Variants in CBR1 observed in about 807,000 individuals in gnomAD.
CBR1 encodes the protein carbonyl reductase 1.
A neutral mutation model predicts 10.6 loss-of-function variants in CBR1; 11 were observed. That is an observed-to-expected ratio of 1.03 (90% CI 0.65 to 1.71). CBR1 has a LOEUF of 1.71. Ranked by LOEUF, CBR1 falls within the 40% of genes most tolerant of loss-of-function variation. The pLI, the probability that CBR1 is intolerant of heterozygous loss-of-function variation, is 0.00. For missense variants in CBR1, 361 were observed against 368.6 expected (o/e 0.98, Z 0.17); for synonymous variants, 158 against 156.7 (o/e 1.01, Z -0.06).
In CBR1 at chr21:36,072,960, T is replaced by G; in HGVS notation, c.*78T>G. On this transcript the variant is annotated 3_prime_UTR_variant, in exon 3 of 3. Coordinates refer to ENST00000290349, the MANE Select transcript of CBR1 (RefSeq NM_001757.4). ...GGTCCAAAGGGCATTTACAATGTCA[T>G]AAATATCCTTATATAAGAAAAAAAA... 1 of 942,546 alleles carries G rather than the reference T, an allele frequency of 1.1e-6. No individual in the cohort carries two copies. The highest frequency in any genetic ancestry group is 1.7e-5 in the South Asian group (1 of 58,438). 58.4% of individuals were successfully genotyped at this position (942,546 alleles called of 1,614,324 possible).
chr21:36,070,853 G>GA, intron 1 of CBR1, 97 bp from the exon 2 acceptor site: 1 of 509,242 alleles, frequency 2.0e-6, no homozygotes, highest in Non-Finnish European at 3.2e-6. Context: ...AGGGCACTAA[G>GA]TTTTTTTTTT....
Position 36,070,103 on chromosome 21 carries a change from G to T in CBR1, c.-13G>T, listed in dbSNP as rs756250127. ...TGTTCTCCACGCAGGTGTTCCGCGCGCCCCGTTCAGCCATGTCGTCCGGCA... is the reference window on the plus strand; with the variant it reads ...TGTTCTCCACGCAGGTGTTCCGCGCTCCCCGTTCAGCCATGTCGTCCGGCA... On this transcript the variant is annotated 5_prime_UTR_variant, in exon 1 of 3. Transcript: ENST00000290349. 2.0e-6 allele frequency: 3 copies of T among 1,486,454 alleles called. No individual in the cohort carries two copies. Among genetic ancestry groups the T allele is most frequent in the Admixed American group, 2.4e-5 (1 of 41,012 alleles). 92.1% of individuals were successfully genotyped at this position (1,486,454 alleles called of 1,614,324 possible). A position where few individuals can be genotyped will look rare whatever the true frequency, so the allele number is the denominator to read the frequency against.
At chr21:36,071,691 C>G in intron 2 of CBR1, 1 of 668,970 alleles carries the variant, frequency 1.5e-6, no homozygotes, top group Non-Finnish European at 2.6e-6. Flanking sequence ...GTTGTGCCCA[C>G]TGAGTTCCTC....
At chr21:36,070,749 A>G (rs1040493964) in intron 1 of CBR1, among the ~76,000 whole-genome samples, 1 of 152,018 alleles carries the variant, frequency 6.6e-6, no homozygotes, top group Non-Finnish European at 1.5e-5. Context: ...CCTTCCCCCA[A>G]TGGTGCCATC....
Position 36,070,082 on chromosome 21 carries a change from C to G in CBR1, c.-34C>G. On this transcript the variant is annotated 5_prime_UTR_variant, in exon 1 of 3. Coordinates refer to ENST00000290349, the MANE Select transcript of CBR1 (RefSeq NM_001757.4). ...CTCCCGGGCCTGAGCCAGGTCTGTTCTCCACGCAGGTGTTCCGCGCGCCCC... is the reference window on the plus strand; with the variant it reads ...CTCCCGGGCCTGAGCCAGGTCTGTTGTCCACGCAGGTGTTCCGCGCGCCCC... The G allele has an allele frequency of 6.8e-7, 1 of 1,468,986 alleles. No homozygotes were observed. The highest frequency in any genetic ancestry group is 1.4e-5 in the South Asian group (1 of 72,490). 91.0% of individuals were successfully genotyped at this position (1,468,986 alleles called of 1,614,324 possible).
Position 36,071,006 on chromosome 21 carries a change from T to A in CBR1, c.346T>A (p.Phe116Ile), listed in dbSNP as rs763917846. 24 of 1,614,042 alleles carry A rather than the reference T, an allele frequency of 1.5e-5. No individual in the cohort carries two copies. Among genetic ancestry groups the A allele is most frequent in the Non-Finnish European group, 2.0e-5 (24 of 1,179,970 alleles). Residue 116 changes from phenylalanine (F) to isoleucine (I), a missense_variant, in exon 2 of 3, where the codon TTT becomes ATT. By Grantham distance (21) the Phe-to-Ile change is conservative. Transcript: ENST00000290349. ...TGAAGTGACGATGAAAACAAATTTCTTTGGTACCCGAGATGTGTGCACAGA... is the reference window on the plus strand; with the variant it reads ...TGAAGTGACGATGAAAACAAATTTCATTGGTACCCGAGATGTGTGCACAGA... ...QAEVTMKTNF[F>I]GTRDVCTELL... is the part of the protein sequence containing the mutation.
In CBR1 at chr21:36,070,352, G is replaced by A. The variant is rs780692500; in HGVS notation, c.237G>A (p.Lys79=). The stretch of plus-strand genomic sequence containing the variant: ...GCGCCCTGCGCGACTTCCTGCGCAA[G>A]GAGTACGGGGGCCTGGACGTGCTGG... ...SIRALRDFLR[K]EYGGLDVLVN... is the part of the protein sequence containing the mutation. The change falls in exon 1 of 3, where the codon AAG becomes AAA. Residue 79 remains lysine (K), a synonymous_variant. Transcript: ENST00000290349. 1 of 1,613,124 alleles carries A rather than the reference G, an allele frequency of 6.2e-7. No homozygotes were observed. Among genetic ancestry groups the A allele is most frequent in the South Asian group, 1.1e-5 (1 of 91,036 alleles).
intron 2 of CBR1, chr21:36,071,394 C>G (rs953773304): frequency 1.2e-5 from 7 of 599,016 alleles, no homozygotes; most frequent in African/African-American, 1.1e-4. Context: ...TTTCTCTGCT[C>G]TTTCAGAGAG....
At position 36,070,385 on chromosome 21, in the gene CBR1, C is replaced by G. The variant is rs762056579; in HGVS notation, c.270C>G (p.Asn90Lys). ...EYGGLDVLVN[N>K]AGIAFKVADP... is the part of the protein sequence containing the mutation. ...GGGGCCTGGACGTGCTGGTCAACAA[C>G]GCGGGCATCGCCTTCAAGGGTATGG... Residue 90 changes from asparagine (N) to lysine (K), a missense_variant, in exon 1 of 3, where the codon AAC (asparagine) becomes AAG (lysine). Physicochemically the swap from Asn to Lys is moderately conservative, Grantham distance 94. Coordinates refer to ENST00000290349, the MANE Select transcript of CBR1 (RefSeq NM_001757.4). 2 of 1,607,298 alleles carry G rather than the reference C, an allele frequency of 1.2e-6. No homozygotes were observed. Among genetic ancestry groups the G allele is most frequent in the Non-Finnish European group, 1.7e-6 (2 of 1,176,408 alleles).
intron 1 of CBR1, 49 bp downstream of exon 1, chr21:36,070,453 G>C (rs759475325): frequency 1.3e-6 from 2 of 1,525,020 alleles, no homozygotes; most frequent in Non-Finnish European, 1.8e-6. Context: ...ATGCACTGGG[G>C]CTCCTGGCGT....
At chr21:36,071,078 C>T (rs1276611870) in intron 2 of CBR1, 21 bp downstream of exon 2, 2 of 1,493,974 alleles carry the variant, frequency 1.3e-6, no homozygotes, top group African/African-American at 1.4e-5. Flanking sequence ...TGGGAAACAG[C>T]GCACCTTCTC....
In CBR1 at chr21:36,072,591, G is replaced by A. The variant is rs566479893; in HGVS notation, c.543G>A (p.Lys181=). The A allele has an allele frequency of 1.9e-6, 3 of 1,602,978 alleles. No homozygotes were observed. Among genetic ancestry groups the A allele is most frequent in the Admixed American group, 1.7e-5 (1 of 58,060 alleles). ...LMNKFVEDTK[K]GVHQKEGWPS... is the part of the protein sequence containing the mutation. ...ACAAGTTTGTGGAGGATACAAAGAA[G>A]GGAGTGCACCAGAAGGAGGGCTGGC... The change falls in exon 3 of 3, where the codon AAG becomes AAA. Residue 181 remains lysine, a synonymous_variant. Transcript: ENST00000290349.
intron 1 of CBR1, 90 bp from the exon 2 acceptor site, chr21:36,070,853 GTTTTTTT>G (rs66638540): frequency 3.5e-5 from 18 of 509,446 alleles, no homozygotes; most frequent in East Asian, 3.7e-5. Context: ...AGGGCACTAA[GTTTTTTT>G]TTTTTTTTTT....
intron 2 of CBR1, chr21:36,071,451 C>T: frequency 1.7e-6 from 1 of 584,640 alleles, no homozygotes; most frequent in East Asian, 2.8e-5. Flanking sequence ...GTTCATTAGG[C>T]CCTTCTAATA....
intron 1 of CBR1, chr21:36,070,609 GTTTTCTGCAGT>G (rs1164875893): frequency 1.8e-6 from 1 of 562,764 alleles, no homozygotes; most frequent in Non-Finnish European, 3.0e-6. Context: ...TCTTTTTCAG[GTTTTCTGCAGT>G]TTTTCTGAAT....
intron 2 of CBR1, chr21:36,071,980 C>T (rs1383835555): frequency 6.5e-7 from 1 of 1,535,230 alleles, no homozygotes; most frequent in Non-Finnish European, 8.7e-7. Flanking sequence ...ATGACTATCA[C>T]ATGTCTTTGG....
rs1437037247 is a variant in CBR1 at position 36,071,000 on chromosome 21, A to G, written c.340A>G (p.Asn114Asp). 1.2e-6 allele frequency: 2 copies of G among 1,613,836 alleles called. No homozygotes were observed. The highest frequency in any genetic ancestry group is 2.2e-5 in the South Asian group (2 of 91,068). Residue 114 changes from asparagine (N) to aspartate (D), a missense_variant, in exon 2 of 3, where the codon AAT becomes GAT. By Grantham distance (23) the Asn-to-Asp change is conservative. Transcript: ENST00000290349. ...TCAAGCTGAAGTGACGATGAAAACA[A>G]ATTTCTTTGGTACCCGAGATGTGTG... Reference protein sequence around the residue: ...HIQAEVTMKTNFFGTRDVCTE... With the variant: ...HIQAEVTMKTDFFGTRDVCTE...
intron 2 of CBR1, chr21:36,072,110 G>A: frequency 6.6e-7 from 1 of 1,506,292 alleles, no homozygotes; most frequent in African/African-American, 1.4e-5. Flanking sequence ...TTCGAGTTGG[G>A]TACTTGCATG....
rs1225567721 is a variant in CBR1 at position 36,072,891 on chromosome 21, C to T, written c.*9C>T. On this transcript the variant is annotated 3_prime_UTR_variant, in exon 3 of 3. Coordinates refer to ENST00000290349, the MANE Select transcript of CBR1 (RefSeq NM_001757.4). ...GAGTTGAACAGTGGTGAGCTGGGCT[C>T]ACAGCTCCATCCATGGGCCCCATTT... is the stretch of plus-strand genomic sequence containing the variant. 3.8e-6 allele frequency: 6 copies of T among 1,591,706 alleles called. No individual in the cohort carries two copies. The highest frequency in any genetic ancestry group is 2.2e-5 in the South Asian group (2 of 89,804).
Sources: gnomAD v4.1 joint callset for allele counts (sites outside exome capture counted in the v4.1 genomes callset) on GRCh38, gnomAD v4.1.1 for gene constraint, MANE v1.5 for transcripts, NCBI Gene and HGNC (gene_info 2026-07-23, HGNC 2026-07-21) for gene names.